Variants in PAPPA2 observed in about 807,000 individuals in gnomAD.
PAPPA2 encodes the protein pappalysin-2.
Under a neutral mutation model 176.4 loss-of-function variants are expected in PAPPA2, and 86 were observed. The ratio of observed to expected loss-of-function variants is 0.49; its 90% confidence interval spans 0.41 to 0.58. The LOEUF is 0.58. Among genes scored for constraint, PAPPA2 ranks in the 20% least tolerant of loss-of-function variants. The probability of loss-of-function intolerance (pLI) is 0.00; values close to 1 mark genes in which losing one functional copy is unlikely to be tolerated. For missense variants in PAPPA2, 2,073 were observed against 2,256.9 expected, an observed-to-expected ratio of 0.92 and a Z score of 1.65; for synonymous variants, 809 against 852.2, an observed-to-expected ratio of 0.95 and a Z score of 0.88.
chr1:176,585,321 A>G (rs536379852), intron 2 of PAPPA2, among the ~76,000 whole-genome samples: 1 of 150,096 alleles, frequency 6.7e-6, no homozygotes, highest in South Asian at 2.1e-4. Flanking sequence ...ATTTCATTCC[A>G]TTCTTTCTGG....
intron 3 of PAPPA2, among the ~76,000 whole-genome samples, chr1:176,623,759 C>CTTCCTTCCTTTCTTTCTT (rs1655825109): frequency 9.6e-5 from 1 of 10,394 alleles, no homozygotes; most frequent in South Asian, 3.5e-3. Context: ...TCCTTCCTTC[C>CTTCCTTCCTTTCTTTCTT]TTTCTTTCTT....
chr1:176,744,867 G>T (rs756892061), intron 14 of PAPPA2, among the ~76,000 whole-genome samples: 1 of 152,004 alleles, frequency 6.6e-6, no homozygotes, highest in Non-Finnish European at 1.5e-5. Context: ...TTGGTTTTTG[G>T]TATTGATAAT....
chr1:176,709,945 A>G, intron 10 of PAPPA2, 38 bp from the exon 11 acceptor site: 2 of 1,541,982 alleles, frequency 1.3e-6, no homozygotes, highest in Middle Eastern at 3.5e-4. Context: ...GACATTTATG[A>G]AAACACTTTT....
At chr1:176,588,412 T>G (rs962591662) in intron 2 of PAPPA2, among the ~76,000 whole-genome samples, 1 of 152,204 alleles carries the variant, frequency 6.6e-6, no homozygotes, top group South Asian at 2.1e-4. Flanking sequence ...TTCTATCTCT[T>G]GCCTGATTGC....
At chr1:176,534,369 C>T (rs1013443442) in intron 1 of PAPPA2, among the ~76,000 whole-genome samples, 10 of 152,150 alleles carry the variant, frequency 6.6e-5, no homozygotes, top group Non-Finnish European at 1.2e-4. Context: ...ATTCCAGTCC[C>T]GACCTCTCTC....
At chr1:176,757,454 C>A (rs930004915) in intron 14 of PAPPA2, among the ~76,000 whole-genome samples, 1 of 152,140 alleles carries the variant, frequency 6.6e-6, no homozygotes, top group African/African-American at 2.4e-5. Flanking sequence ...TCTCTGATGA[C>A]CAGTGATGAT....
intron 3 of PAPPA2, among the ~76,000 whole-genome samples, chr1:176,652,171 G>A (rs997936476): frequency 8.6e-5 from 13 of 151,258 alleles, no homozygotes; most frequent in African/African-American, 2.9e-4. Context: ...TCATTTTTGG[G>A]GGCAGGGCGG....
chr1:176,716,673 A>G (rs1489974089), intron 12 of PAPPA2, among the ~76,000 whole-genome samples: 1 of 134,624 alleles, frequency 7.4e-6, no homozygotes, highest in East Asian at 2.2e-4. Context: ...GTGCAGTGGC[A>G]CAATCTTGGC....
chr1:176,515,780 T>C (rs907101942), intron 1 of PAPPA2, among the ~76,000 whole-genome samples: 5 of 152,160 alleles, frequency 3.3e-5, no homozygotes, highest in South Asian at 2.1e-4. Flanking sequence ...CTTCCTTTCT[T>C]CTTTCTAGAG....
At chr1:176,705,482 C>A (rs1660840589) in intron 9 of PAPPA2, among the ~76,000 whole-genome samples, 1 of 152,076 alleles carries the variant, frequency 6.6e-6, no homozygotes, top group South Asian at 2.1e-4. Flanking sequence ...AATCCTTTAT[C>A]TACTGAGTTA....
chr1:176,806,016 G>T (rs909177129), intron 21 of PAPPA2, among the ~76,000 whole-genome samples: 1 of 136,934 alleles, frequency 7.3e-6, no homozygotes, highest in South Asian at 2.2e-4. Flanking sequence ...AAAAAAAAAG[G>T]AAGCAATTCA....
At chr1:176,706,658 T>G (rs1476431734) in intron 10 of PAPPA2, among the ~76,000 whole-genome samples, 2 of 152,162 alleles carry the variant, frequency 1.3e-5, no homozygotes, top group Non-Finnish European at 2.9e-5. Context: ...GCACAGAGCT[T>G]AAATAACTTG....
chr1:176,651,904 G>T (rs1657747794), intron 3 of PAPPA2, among the ~76,000 whole-genome samples: 1 of 149,802 alleles, frequency 6.7e-6, no homozygotes, highest in African/African-American at 2.5e-5. Context: ...TTTTTCCTCT[G>T]CTTGCTTCAT....
intron 1 of PAPPA2, among the ~76,000 whole-genome samples, chr1:176,536,697 AG>A (rs1349513467): frequency 3.3e-5 from 5 of 152,224 alleles, no homozygotes; most frequent in Non-Finnish European, 7.3e-5. Context: ...AGCAAGAGAA[AG>A]CATGCCCAAT....
rs1647317466 is a variant in PAPPA2, at chr1:176,492,019, G to A, written c.-917+28601G>A. Among the ~76,000 whole-genome samples the A allele has an allele frequency of 2.0e-5, 3 of 152,186 alleles. No homozygotes were observed. The South Asian group carries it at 6.2e-4, about 32-fold the overall frequency. On this transcript the variant is annotated intron_variant, in intron 1 of 22. Coordinates refer to ENST00000367662, the MANE Select transcript of PAPPA2 (RefSeq NM_020318.3). ...GCTTGTGGTTTTATGTCCACAGGAT[G>A]CTCCTGAACATCAAGCATGGAATCC...
At chr1:176,681,035 T>A (rs1558515448) in intron 4 of PAPPA2, among the ~76,000 whole-genome samples, 1 of 151,550 alleles carries the variant, frequency 6.6e-6, no homozygotes, top group Non-Finnish European at 1.5e-5. Context: ...TTGGATATGT[T>A]GAGCTAGGGG....
chr1:176,769,332 G>T (rs191054014), intron 15 of PAPPA2, among the ~76,000 whole-genome samples: 1 of 152,282 alleles, frequency 6.6e-6, no homozygotes, highest in East Asian at 1.9e-4. Context: ...GAACAGGTCT[G>T]GAGGAGCAAC....
At chr1:176,778,270 C>G (rs1055324598) in intron 17 of PAPPA2, among the ~76,000 whole-genome samples, 2 of 152,070 alleles carry the variant, frequency 1.3e-5, no homozygotes, top group Non-Finnish European at 2.9e-5. Flanking sequence ...TCAAGTACTA[C>G]AGTGGCTTCA....
chr1:176,579,991 T>C (rs1382612444), intron 2 of PAPPA2, among the ~76,000 whole-genome samples: 2 of 152,210 alleles, frequency 1.3e-5, no homozygotes, highest in Admixed American at 6.5e-5. Flanking sequence ...TCTGAAACAT[T>C]TATCTTTTTT....
Sources: allele counts gnomAD v4.1 joint callset (sites outside exome capture counted in the v4.1 genomes callset), GRCh38; gene constraint gnomAD v4.1.1; transcripts MANE v1.5; gene names NCBI Gene and HGNC (gene_info 2026-07-23, HGNC 2026-07-21).